Variants in AFAP1L2 observed in about 807,000 individuals in gnomAD.
AFAP1L2 encodes the protein actin filament-associated protein 1-like 2.
In AFAP1L2, 46 loss-of-function variants were observed where a neutral mutation model predicts 99.3. The observed-to-expected ratio is 0.46, with a 90% CI of 0.37 to 0.59. The LOEUF (loss-of-function observed/expected upper bound fraction) is 0.59. AFAP1L2 is among the 20% of genes least tolerant of loss of function. AFAP1L2 has a pLI of 0.00. For missense variants in AFAP1L2, 959 were observed against 1,034.9 expected (o/e 0.93, Z 1.01); for synonymous variants, 397 against 419.1 (o/e 0.95, Z 0.64).
intron 1 of AFAP1L2, among the ~76,000 whole-genome samples, chr10:114,369,455 C>T (rs1264897313): frequency 2.0e-5 from 3 of 151,854 alleles, no homozygotes; most frequent in African/African-American, 7.3e-5. Flanking sequence ...ATTAGCCGGG[C>T]GTGGTGGCGG....
intron 4 of AFAP1L2, among the ~76,000 whole-genome samples, chr10:114,323,754 T>C (rs1243583233): frequency 6.6e-6 from 1 of 152,198 alleles, no homozygotes; most frequent in African/African-American, 2.4e-5. Context: ...TTGGATGACT[T>C]CCATGTACTA....
At chr10:114,286,076 C>T in the AFAP1L2 span, 19 of 1,614,138 alleles carry the variant, frequency 1.2e-5, no homozygotes, top group South Asian at 2.2e-5. Flanking sequence ...CGAGGACTCT[C>T]GGGCCCGAGT....
In AFAP1L2 at chr10:114,310,342, G is replaced by A. The variant is rs999675384; in HGVS notation, c.882+12C>T. On this transcript the variant is annotated intron_variant, in intron 8 of 18. Transcript: ENST00000304129. Reference sequence around the variant, plus strand: ...GAAGGGGACTCTCCCTCCAGGCAGGGCAGAGGCTTACTTTCTGGCAGTTAA... The same window carrying A: ...GAAGGGGACTCTCCCTCCAGGCAGGACAGAGGCTTACTTTCTGGCAGTTAA... 1.2e-6 allele frequency: 2 copies of A among 1,611,100 alleles called. No individual in the cohort carries two copies. Among genetic ancestry groups the A allele is most frequent in the East Asian group, 2.2e-5 (1 of 44,850 alleles).
rs576367528 is a variant in AFAP1L2, at chr10:114,340,865, G to A, written c.17-134C>T. The A allele has an allele frequency of 2.4e-4, 304 of 1,254,146 alleles. 1 individual carries two copies. The African/African-American group carries it at 3.1e-3, about 13-fold the overall frequency. 77.7% of individuals were successfully genotyped at this position (1,254,146 alleles called of 1,614,324 possible). A position where few individuals can be genotyped will look rare whatever the true frequency, so the allele number is the denominator to read the frequency against. On this transcript the variant is annotated intron_variant, in intron 1 of 18. Transcript: ENST00000304129. ...AGAGGAAGGGTTTGGTGTGAGGTCT[G>A]GCAGCGTATGGGGGGACTGGGCAGA...
chr10:114,369,609 A>C (rs997169576), intron 1 of AFAP1L2, among the ~76,000 whole-genome samples: 9 of 151,834 alleles, frequency 5.9e-5, no homozygotes, highest in South Asian at 2.1e-4. Flanking sequence ...AAAAAAAAAA[A>C]AAAAAACTTT....
chr10:114,304,643 G>A, intron 11 of AFAP1L2, 76 bp downstream of exon 11: 2 of 1,349,732 alleles, frequency 1.5e-6, no homozygotes, highest in Non-Finnish European at 2.0e-6. Flanking sequence ...TAGCATTACA[G>A]TCCTGGAGAC....
rs1554868264 is a variant in AFAP1L2, at chr10:114,295,016, T to TTA, written c.*1025_*1026insTA. The TTA allele has an allele frequency of 2.0e-5, 18 of 884,434 alleles. No individual in the cohort carries two copies. The East Asian group carries it at 3.8e-4, about 19-fold the overall frequency. 54.8% of individuals were successfully genotyped at this position (884,434 alleles called of 1,614,324 possible). A position where few individuals can be genotyped will look rare whatever the true frequency, so the allele number is the denominator to read the frequency against. On this transcript the variant is annotated 3_prime_UTR_variant, in exon 19 of 19. Coordinates refer to ENST00000304129, the MANE Select transcript of AFAP1L2 (RefSeq NM_001001936.3). ...ATAGATGAAATGTTTCAACCTGTGT[T>TTA]AAAAAAAAAAAAAAAAAAATGCCAT...
At chr10:114,337,200 C>A (rs971359032) in intron 2 of AFAP1L2, among the ~76,000 whole-genome samples, 2 of 152,248 alleles carry the variant, frequency 1.3e-5, no homozygotes, top group Non-Finnish European at 2.9e-5. Flanking sequence ...GTCCACCTGT[C>A]CAGGCCCAAG....
chr10:114,366,473 C>T (rs989526075), intron 1 of AFAP1L2, among the ~76,000 whole-genome samples: 1 of 152,086 alleles, frequency 6.6e-6, no homozygotes, highest in South Asian at 2.1e-4. Flanking sequence ...AAAGAGAAGA[C>T]CAAAACCCGA....
At chr10:114,330,483 C>CGTGA (rs1232513408) in intron 4 of AFAP1L2, among the ~76,000 whole-genome samples, 2 of 152,202 alleles carry the variant, frequency 1.3e-5, no homozygotes, top group African/African-American at 4.8e-5. Flanking sequence ...ATTAGGTTTC[C>CGTGA]TCACCCTTAA....
chr10:114,290,699 C>CAACA (rs2039501945), downstream of AFAP1L2, among the ~76,000 whole-genome samples: 1 of 150,124 alleles, frequency 6.7e-6, no homozygotes, highest in East Asian at 1.9e-4. Flanking sequence ...GGAGGGAGGC[C>CAACA]ACAGTTAGGA....
chr10:114,353,964 G>A (rs1053699548), intron 1 of AFAP1L2, among the ~76,000 whole-genome samples: 37 of 152,328 alleles, frequency 2.4e-4, no homozygotes, highest in African/African-American at 8.2e-4. Flanking sequence ...TCCAGGGAGT[G>A]CTGACGGATT....
intron 1 of AFAP1L2, among the ~76,000 whole-genome samples, chr10:114,388,530 G>T (rs1565072568): frequency 6.6e-6 from 1 of 152,096 alleles, no homozygotes; most frequent in South Asian, 2.1e-4. Flanking sequence ...ACCTGTTTTA[G>T]AACGGTGCTT....
At position 114,300,545 on chromosome 10, in the gene AFAP1L2, GACA is replaced by G. The variant is rs1564786029; in HGVS notation, c.1685_1687del (p.Leu562del). ...GGCCTCAGTTGCATTGTCCAGGCAG[GACA>G]ACGTCGGGGAGGAGGCCTGGGCCTG... On this transcript the variant is annotated inframe_deletion, in exon 14 of 19. Coordinates refer to ENST00000304129, the MANE Select transcript of AFAP1L2 (RefSeq NM_001001936.3). 2 of 1,614,224 alleles carry G rather than the reference GACA, an allele frequency of 1.2e-6. No homozygotes were observed. The highest frequency in any genetic ancestry group is 1.1e-5 in the South Asian group (1 of 91,080).
At chr10:114,347,293 C>T (rs2049749307) in intron 1 of AFAP1L2, among the ~76,000 whole-genome samples, 1 of 152,164 alleles carries the variant, frequency 6.6e-6, no homozygotes, top group Non-Finnish European at 1.5e-5. Flanking sequence ...TCAGAGAGAG[C>T]TCTCAAGTTC....
At chr10:114,313,810 T>G (rs2043654301) in intron 7 of AFAP1L2, 61 bp downstream of exon 7, 2 of 1,503,394 alleles carry the variant, frequency 1.3e-6, no homozygotes, top group East Asian at 2.3e-5. Flanking sequence ...ATCCATCCCT[T>G]TAGAAAAGCT....
At chr10:114,383,483 C>G (rs2056012076) in intron 1 of AFAP1L2, among the ~76,000 whole-genome samples, 2 of 152,064 alleles carry the variant, frequency 1.3e-5, no homozygotes, top group African/African-American at 4.8e-5. Flanking sequence ...TAGATATTAT[C>G]ATGGAGGGTG....
intron 4 of AFAP1L2, among the ~76,000 whole-genome samples, chr10:114,327,148 TA>T (rs1564879859): frequency 0.028 from 130 of 4,572 alleles, 9 homozygotes; most frequent in South Asian, 0.066. Flanking sequence ...TATATATATT[TA>T]TATATATATA....
intron 1 of AFAP1L2, among the ~76,000 whole-genome samples, chr10:114,360,513 A>T (rs77197945): frequency 0.28 from 21,501 of 77,874 alleles, 1,720 homozygotes; most frequent in Middle Eastern, 0.37. Flanking sequence ...AGATAGTTAG[A>T]TAGATAGATA....
Sources: gnomAD v4.1 joint callset for allele counts (sites outside exome capture counted in the v4.1 genomes callset) on GRCh38, gnomAD v4.1.1 for gene constraint, MANE v1.5 for transcripts, NCBI Gene and HGNC (gene_info 2026-07-23, HGNC 2026-07-21) for gene names.